Variants in RTP2 observed in about 807,000 individuals in gnomAD.
The protein encoded by RTP2 is receptor transporter protein 2.
A neutral mutation model predicts 17.9 loss-of-function variants in RTP2; 12 were observed. That is an observed-to-expected ratio of 0.67 (90% CI 0.43 to 1.09). The LOEUF is 1.09. Among genes scored for constraint, RTP2 ranks in the 50% least tolerant of loss-of-function variants. The probability of loss-of-function intolerance (pLI) is 0.00; values close to 1 mark genes in which losing one functional copy is unlikely to be tolerated. For synonymous variants in RTP2, 126 were observed against 117.7 expected, an observed-to-expected ratio of 1.07 and a Z score of -0.46; for missense variants, 327 against 295.7, an observed-to-expected ratio of 1.11 and a Z score of -0.78.
chr3:187,702,231 A>G lies in RTP2; in HGVS notation c.-103T>C, dbSNP rs1579783542. The G allele has an allele frequency of 8.4e-7, 1 of 1,194,468 alleles. No homozygotes were observed. Among genetic ancestry groups the G allele is most frequent in the Non-Finnish European group, 1.2e-6 (1 of 838,708 alleles). The allele number at this position is 1,194,468 out of a possible 1,614,324, so 74.0% of individuals were successfully genotyped here. The stretch of plus-strand genomic sequence containing the variant: ...TTCAGTGTCTACGGTCAGAATCCTC[A>G]TCGGCAGGACTGGGAGTAAACAGGA... On this transcript the variant is annotated 5_prime_UTR_variant, in exon 1 of 2. The change abolishes an upstream ATG in the 5' untranslated region. Transcript: ENST00000358241.
In RTP2 at chr3:187,702,188, C is replaced by T. The variant is rs903583408; in HGVS notation, c.-60G>A. 1.8e-5 allele frequency: 27 copies of T among 1,500,838 alleles called. No individual in the cohort carries two copies. The highest frequency in any genetic ancestry group is 3.7e-4 in the Middle Eastern group (2 of 5,360). 93.0% of individuals were successfully genotyped at this position (1,500,838 alleles called of 1,614,324 possible). ...CCCTGGTGAGAACACAGAAAGAGCACGGATAGGTACGGGACAATTCAGTGT... is the reference window on the plus strand; with the variant it reads ...CCCTGGTGAGAACACAGAAAGAGCATGGATAGGTACGGGACAATTCAGTGT... On this transcript the variant is annotated 5_prime_UTR_variant, in exon 1 of 2. In the 5' UTR this introduces an upstream ATG that the reference lacks. Coordinates refer to ENST00000358241, the Ensembl canonical transcript of RTP2.
chr3:187,704,140 A>G (rs541883148), upstream of RTP2, among the ~76,000 whole-genome samples: 17 of 152,320 alleles, frequency 1.1e-4, no homozygotes, highest in African/African-American at 3.8e-4. Context: ...TACTTTTTCA[A>G]ATAAAGAAAT....
chr3:187,709,084 C>G, the RTP2 span, among the ~76,000 whole-genome samples: 1 of 151,432 alleles, frequency 6.6e-6, no homozygotes, highest in Non-Finnish European at 1.5e-5. Flanking sequence ...AATGAAAGCT[C>G]CATATCCTCT....
chr3:187,702,308 G>C, exon 1 of RTP2: 2 of 635,974 alleles, frequency 3.1e-6, no homozygotes, highest in African/African-American at 3.7e-5. Flanking sequence ...TAGCCAGGCA[G>C]GGCACCAAGA....
chr3:187,702,490 C>A (rs1174858182), exon 1 of RTP2: 1 of 469,882 alleles, frequency 2.1e-6, no homozygotes, highest in African/African-American at 2.0e-5. Context: ...TATTTGGTGG[C>A]CCTGCTTCAC....
chr3:187,704,478 G>A (rs150732719), upstream of RTP2, among the ~76,000 whole-genome samples: 1,346 of 152,278 alleles, frequency 8.8e-3, 15 homozygotes, highest in South Asian at 0.041. Flanking sequence ...ACCTACTCCA[G>A]TCCTGGGAAG....
At chr3:187,715,285 C>G in the RTP2 span, among the ~76,000 whole-genome samples, 1 of 152,234 alleles carries the variant, frequency 6.6e-6, no homozygotes, top group Non-Finnish European at 1.5e-5. Flanking sequence ...GCTTAAATCA[C>G]CTTCAGTGAT....
exon 2 of RTP2, chr3:187,698,735 G>A (rs1717757112): frequency 1.9e-6 from 3 of 1,613,940 alleles, no homozygotes; most frequent in Non-Finnish European, 2.5e-6. Context: ...GATGCGGCCC[G>A]CTGTCCGGGC....
At chr3:187,703,823 A>G (rs1013918586), upstream of RTP2, among the ~76,000 whole-genome samples, 1 of 152,214 alleles carries the variant, frequency 6.6e-6, no homozygotes, top group Non-Finnish European at 1.5e-5. Context: ...CAGAAAGAGG[A>G]TGAGAATTGT....
chr3:187,702,783 A>G (rs917624855), upstream of RTP2, among the ~76,000 whole-genome samples: 2 of 152,254 alleles, frequency 1.3e-5, no homozygotes, highest in Non-Finnish European at 2.9e-5. Context: ...TATTTATTTT[A>G]GTACTATTGT....
At chr3:187,709,061 A>G in the RTP2 span, among the ~76,000 whole-genome samples, 5 of 151,746 alleles carry the variant, frequency 3.3e-5, no homozygotes, top group Non-Finnish European at 5.9e-5. Flanking sequence ...ATACAAAAAT[A>G]TATTAACTAT....
exon 2 of RTP2, chr3:187,698,729 C>G (rs752002445): frequency 2.5e-6 from 4 of 1,613,874 alleles, no homozygotes; most frequent in Non-Finnish European, 3.4e-6. Context: ...CTGCACGATG[C>G]GGCCCGCTGT....
Position 187,702,155 on chromosome 3 carries a change from G to A in RTP2, c.-27C>T, listed in dbSNP as rs73043381. ...GTCCTGCTGGCAGAGGTGGCAGTTC[G>A]AGCTCAGCCCTGGTGAGAACACAGA... On this transcript the variant is annotated 5_prime_UTR_variant, in exon 1 of 2. Transcript: ENST00000358241. 3,446 of 1,579,726 alleles carry A rather than the reference G, an allele frequency of 2.2e-3. 57 individuals are homozygous for A. In the African/African-American group the frequency reaches 0.034, roughly 16 times the overall value.
At chr3:187,704,804 C>T (rs564602490), upstream of RTP2, among the ~76,000 whole-genome samples, 5 of 152,312 alleles carry the variant, frequency 3.3e-5, no homozygotes, top group Non-Finnish European at 5.9e-5. Context: ...CAAGCTCCCA[C>T]TCTTTGGGTG....
exon 2 of RTP2, chr3:187,698,520 A>G: frequency 6.2e-7 from 1 of 1,611,870 alleles, no homozygotes; most frequent in Admixed American, 1.7e-5. Flanking sequence ...AGGACTGAGG[A>G]AGGAGAACTG....
At chr3:187,698,866 G>A (rs1397163189) in exon 2 of RTP2, 1 of 1,613,150 alleles carries the variant, frequency 6.2e-7, no homozygotes, top group Non-Finnish European at 8.5e-7. Flanking sequence ...GACTCGTCCA[G>A]CCGCGCCGTG....
chr3:187,699,005 G>C, exon 2 of RTP2: 2 of 1,582,398 alleles, frequency 1.3e-6, no homozygotes, highest in Non-Finnish European at 1.7e-6. Context: ...ACCAGGAGCA[G>C]TGGAACCTGC....
upstream of RTP2, among the ~76,000 whole-genome samples, chr3:187,707,148 C>T (rs1365122320): frequency 1.3e-5 from 2 of 152,190 alleles, no homozygotes; most frequent in African/African-American, 2.4e-5. Flanking sequence ...TGGGCTTCCT[C>T]ACAGGATGCT....
upstream of RTP2, among the ~76,000 whole-genome samples, chr3:187,703,502 T>C (rs1382221484): frequency 1.3e-5 from 2 of 152,220 alleles, no homozygotes; most frequent in Non-Finnish European, 2.9e-5. Context: ...CTCTTTTATT[T>C]TTAAAAATCT....
Sources: allele counts gnomAD v4.1 joint callset (sites outside exome capture counted in the v4.1 genomes callset), GRCh38; gene constraint gnomAD v4.1.1; transcripts MANE v1.5; gene names NCBI Gene and HGNC (gene_info 2026-07-23, HGNC 2026-07-21).